The following TNPO1 variants were observed in gnomAD, a reference collection of about 807,000 sequenced individuals.
TNPO1 encodes transportin 1, also known as transportin-1.
In TNPO1, 8 loss-of-function variants were observed where a neutral mutation model predicts 119.5. That is an observed-to-expected ratio of 0.07 (90% CI 0.04 to 0.12). The LOEUF (loss-of-function observed/expected upper bound fraction) is 0.12. TNPO1 is among the 10% of genes least tolerant of loss of function. The pLI, the probability that TNPO1 is intolerant of heterozygous loss-of-function variation, is 1.00. For missense variants in TNPO1, 576 were observed against 1,089.8 expected, an observed-to-expected ratio of 0.53 and a Z score of 6.64; for synonymous variants, 362 against 363.0, an observed-to-expected ratio of 1.00 and a Z score of 0.03.
chr5:72,861,304 C>T (rs1746429493), intron 4 of TNPO1, among the ~76,000 whole-genome samples: 1 of 152,106 alleles, frequency 6.6e-6, no homozygotes, highest in South Asian at 2.1e-4. Flanking sequence ...CTCAAAAAAC[C>T]TTAGAGGGTG....
At chr5:72,845,865 T>G (rs575818873) in intron 1 of TNPO1, among the ~76,000 whole-genome samples, 2 of 152,308 alleles carry the variant, frequency 1.3e-5, no homozygotes, top group Non-Finnish European at 2.9e-5. Flanking sequence ...CTTTAGTTTC[T>G]TGTTTAAAAG....
chr5:72,834,768 C>T (rs1482122112), intron 1 of TNPO1, among the ~76,000 whole-genome samples: 1 of 152,208 alleles, frequency 6.6e-6, no homozygotes, highest in Non-Finnish European at 1.5e-5. Context: ...TGCATTCACT[C>T]ACCGCTTACT....
intron 11 of TNPO1, 28 bp from the exon 12 acceptor site, chr5:72,887,042 A>G: frequency 6.3e-7 from 1 of 1,588,920 alleles, no homozygotes; most frequent in Non-Finnish European, 8.6e-7. Context: ...AGGTTAATGT[A>G]ATATTTTTGA....
chr5:72,888,521 G>C (rs570054956), intron 13 of TNPO1, among the ~76,000 whole-genome samples: 77 of 152,112 alleles, frequency 5.1e-4, no homozygotes, highest in Admixed American at 1.6e-3. Context: ...TATACATTTT[G>C]TTTGGCCAGG....
chr5:72,866,971 T>TA (rs1489641487), intron 6 of TNPO1, among the ~76,000 whole-genome samples: 3 of 152,016 alleles, frequency 2.0e-5, no homozygotes, highest in African/African-American at 4.8e-5. Flanking sequence ...GGCCAGGAGT[T>TA]AGAGACCAGC....
At chr5:72,862,033 A>C in intron 5 of TNPO1, 119 bp downstream of exon 5, 1 of 623,458 alleles carries the variant, frequency 1.6e-6, no homozygotes, top group Non-Finnish European at 2.8e-6. Context: ...AAACTTAGAA[A>C]CCTAAAGTTA....
At chr5:72,868,241 G>A (rs1747077874) in intron 6 of TNPO1, among the ~76,000 whole-genome samples, 1 of 151,728 alleles carries the variant, frequency 6.6e-6, no homozygotes. Flanking sequence ...GACCATCCTT[G>A]CTAACATGGT....
intron 1 of TNPO1, among the ~76,000 whole-genome samples, chr5:72,836,749 A>T (rs1744708297): frequency 6.6e-6 from 1 of 152,204 alleles, no homozygotes; most frequent in Non-Finnish European, 1.5e-5. Flanking sequence ...TACTATAAGC[A>T]GTCAAGAGAA....
chr5:72,837,290 A>C (rs1744725965), intron 1 of TNPO1, among the ~76,000 whole-genome samples: 1 of 152,196 alleles, frequency 6.6e-6, no homozygotes, highest in Non-Finnish European at 1.5e-5. Context: ...TGTGCTATGA[A>C]ATCTGGCTTT....
At chr5:72,868,776 C>T (rs1050180193) in intron 6 of TNPO1, among the ~76,000 whole-genome samples, 50 of 151,882 alleles carry the variant, frequency 3.3e-4, no homozygotes, top group African/African-American at 7.7e-4. Flanking sequence ...TTAGGCTGGG[C>T]GCGGTGGATC....
intron 6 of TNPO1, among the ~76,000 whole-genome samples, chr5:72,867,617 C>T (rs1213863049): frequency 6.6e-6 from 1 of 152,134 alleles, no homozygotes; most frequent in Non-Finnish European, 1.5e-5. Context: ...TCAGATCCAC[C>T]ACCTGAAACA....
chr5:72,887,563 T>TAC (rs1748740829), intron 12 of TNPO1, among the ~76,000 whole-genome samples: 1 of 152,180 alleles, frequency 6.6e-6, no homozygotes, highest in Admixed American at 6.5e-5. Flanking sequence ...CATGTGCCTG[T>TAC]AGTCCCAGCT....
intron 1 of TNPO1, among the ~76,000 whole-genome samples, chr5:72,844,765 G>T (rs1350741029): frequency 6.6e-6 from 1 of 152,110 alleles, no homozygotes; most frequent in Non-Finnish European, 1.5e-5. Flanking sequence ...ATTCAAACGT[G>T]GTCAGTTGAG....
chr5:72,857,115 T>C (rs1308037118), intron 4 of TNPO1, among the ~76,000 whole-genome samples: 1 of 151,918 alleles, frequency 6.6e-6, no homozygotes, highest in Non-Finnish European at 1.5e-5. Context: ...AGGTCAGGAG[T>C]TCGAGACCAG....
Position 72,887,115 on chromosome 5 carries a change from G to T in TNPO1, c.1196G>T (p.Arg399Leu), listed in dbSNP as rs1428903810. Residue 399 changes from arginine (R) to leucine (L), a missense_variant, in exon 12 of 25, where the codon CGT becomes CTT. Physicochemically the swap from Arg to Leu is moderately radical, Grantham distance 102. Transcript: ENST00000337273. Reference sequence around the variant, plus strand: ...CTGGATGTTCTTGCAAATGTGTATCGTGATGAACTGCTGCCACATATTTTG... The same window carrying T: ...CTGGATGTTCTTGCAAATGTGTATCTTGATGAACTGCTGCCACATATTTTG... The part of the protein sequence containing the change: ...AALDVLANVY[R>L]DELLPHILPL... 1 of 1,613,766 alleles carries T rather than the reference G, an allele frequency of 6.2e-7. No homozygotes were observed. Among genetic ancestry groups the T allele is most frequent in the Non-Finnish European group, 8.5e-7 (1 of 1,179,806 alleles).
intron 2 of TNPO1, among the ~76,000 whole-genome samples, chr5:72,850,175 T>A (rs573242109): frequency 6.6e-6 from 1 of 152,202 alleles, no homozygotes; most frequent in Non-Finnish European, 1.5e-5. Flanking sequence ...TTGTATAGGC[T>A]TTTGAGTACT....
chr5:72,903,533 A>G (rs1223007194), intron 22 of TNPO1, among the ~76,000 whole-genome samples, 176 bp from the exon 23 acceptor site: 1 of 152,224 alleles, frequency 6.6e-6, no homozygotes, highest in East Asian at 1.9e-4. Context: ...CTGTGGGCTA[A>G]TAGGGACAGC....
intron 1 of TNPO1, among the ~76,000 whole-genome samples, chr5:72,824,996 C>G (rs1023874240): frequency 6.6e-6 from 1 of 152,164 alleles, no homozygotes; most frequent in Non-Finnish European, 1.5e-5. Context: ...AAATCTTGGC[C>G]TTATTTTTTT....
At chr5:72,881,531 G>C (rs970741600) in intron 9 of TNPO1, among the ~76,000 whole-genome samples, 2 of 152,154 alleles carry the variant, frequency 1.3e-5, no homozygotes, top group African/African-American at 4.8e-5. Flanking sequence ...CTCCCCTAGG[G>C]GGATTGTTGG....
Sources: gnomAD v4.1 joint callset for allele counts (sites outside exome capture counted in the v4.1 genomes callset) on GRCh38, gnomAD v4.1.1 for gene constraint, MANE v1.5 for transcripts, NCBI Gene and HGNC (gene_info 2026-07-23, HGNC 2026-07-21) for gene names.